The following SYNPR variants were observed in gnomAD, a reference collection of about 807,000 sequenced individuals.
SYNPR encodes synaptoporin.
SYNPR carries 23 observed loss-of-function variants against 32.9 expected under a neutral mutation model. The ratio of observed to expected loss-of-function variants is 0.70; its 90% CI spans 0.50 to 0.99. The LOEUF (loss-of-function observed/expected upper bound fraction) is 0.99, where lower values mean the gene tolerates loss of function less well. Ranked by LOEUF, SYNPR falls within the 50% of genes least tolerant of loss-of-function variation. The pLI is 0.00. For synonymous variants in SYNPR, 146 were observed against 135.9 expected (o/e 1.07, Z -0.52); for missense variants, 318 against 349.3 (o/e 0.91, Z 0.71).
chr3:63,281,198 T>G (rs887821325), intron 2 of SYNPR, among the ~76,000 whole-genome samples: 1 of 152,182 alleles, frequency 6.6e-6, no homozygotes, highest in Non-Finnish European at 1.5e-5. Flanking sequence ...CCTCACTGGT[T>G]CCTTTCATAG....
At chr3:63,248,112 A>G (rs1028755778) in intron 1 of SYNPR, among the ~76,000 whole-genome samples, 1 of 152,136 alleles carries the variant, frequency 6.6e-6, no homozygotes, top group East Asian at 1.9e-4. Flanking sequence ...TAGCAGTTCC[A>G]GAAAGGTCTG....
intron 2 of SYNPR, among the ~76,000 whole-genome samples, chr3:63,420,729 TCAAA>T (rs1410090257): frequency 6.6e-6 from 1 of 152,076 alleles, no homozygotes; most frequent in Non-Finnish European, 1.5e-5. Context: ...ACGAAGGATA[TCAAA>T]CAAAGACAAT....
chr3:63,516,725 A>T (rs1701807435), intron 3 of SYNPR, among the ~76,000 whole-genome samples: 1 of 152,102 alleles, frequency 6.6e-6, no homozygotes, highest in Non-Finnish European at 1.5e-5. Context: ...AACTCTTCAG[A>T]GCAGAGTTCC....
At chr3:63,360,058 C>A (rs2087636069) in intron 2 of SYNPR, among the ~76,000 whole-genome samples, 1 of 152,154 alleles carries the variant, frequency 6.6e-6, no homozygotes, top group Non-Finnish European at 1.5e-5. Flanking sequence ...TAGACTTATG[C>A]ATCAAACTTC....
intron 3 of SYNPR, among the ~76,000 whole-genome samples, chr3:63,503,394 G>T (rs554551833): frequency 6.6e-6 from 1 of 151,936 alleles, no homozygotes; most frequent in Non-Finnish European, 1.5e-5. Flanking sequence ...CAAGTCTATG[G>T]CTTGTCTTCT....
the SYNPR span, among the ~76,000 whole-genome samples, chr3:63,210,714 T>C: frequency 6.6e-6 from 1 of 152,322 alleles, no homozygotes; most frequent in African/African-American, 2.4e-5. Flanking sequence ...ATGCCATCCA[T>C]ATTTATCTTC....
intron 2 of SYNPR, among the ~76,000 whole-genome samples, chr3:63,349,787 C>T (rs2087481901): frequency 6.6e-6 from 1 of 152,122 alleles, no homozygotes; most frequent in Non-Finnish European, 1.5e-5. Context: ...CAGTAGGTGG[C>T]GAAAGCGTAG....
intron 3 of SYNPR, among the ~76,000 whole-genome samples, chr3:63,534,746 A>T (rs893238538): frequency 2.0e-5 from 3 of 152,122 alleles, no homozygotes; most frequent in Admixed American, 6.6e-5. Context: ...GCAGAAGGGG[A>T]CCACTGTGTA....
At chr3:63,221,965 C>A in the SYNPR span, among the ~76,000 whole-genome samples, 1 of 143,114 alleles carries the variant, frequency 7.0e-6, no homozygotes, top group East Asian at 2.0e-4. Flanking sequence ...ATCAAAGCAG[C>A]AGTAGAAGAT....
chr3:63,331,746 A>G (rs897443240), intron 2 of SYNPR, among the ~76,000 whole-genome samples: 2 of 152,198 alleles, frequency 1.3e-5, no homozygotes, highest in Non-Finnish European at 2.9e-5. Context: ...TTTCTTTATG[A>G]GGAAATTGAA....
intron 2 of SYNPR, among the ~76,000 whole-genome samples, chr3:63,315,885 T>A (rs568860459): frequency 6.6e-6 from 1 of 152,230 alleles, no homozygotes; most frequent in Admixed American, 6.5e-5. Flanking sequence ...TTGTCATCAA[T>A]GGCTTTTATT....
intron 3 of SYNPR, among the ~76,000 whole-genome samples, chr3:63,273,258 G>T (rs558623245): frequency 6.6e-6 from 1 of 152,178 alleles, no homozygotes; most frequent in East Asian, 1.9e-4. Flanking sequence ...CTTTTTCTTG[G>T]AAAGTTACGG....
intron 4 of SYNPR, among the ~76,000 whole-genome samples, chr3:63,587,309 G>A (rs73120748): frequency 0.23 from 35,123 of 151,882 alleles, 4,613 homozygotes; most frequent in South Asian, 0.43. Flanking sequence ...TCCTCACAAC[G>A]ACCCTGTAAG....
upstream of SYNPR, among the ~76,000 whole-genome samples, chr3:63,227,992 A>G (rs2086141680): frequency 6.6e-6 from 1 of 152,188 alleles, no homozygotes; most frequent in African/African-American, 2.4e-5. Context: ...CATCCACAGG[A>G]AGAAGTTTGG....
chr3:63,374,591 G>A (rs1230717985), intron 2 of SYNPR, among the ~76,000 whole-genome samples: 1 of 151,978 alleles, frequency 6.6e-6, no homozygotes, highest in African/African-American at 2.4e-5. Context: ...TAAAATAAAA[G>A]TTAAAAAAAG....
chr3:63,221,490 G>T, the SYNPR span, among the ~76,000 whole-genome samples: 2 of 152,218 alleles, frequency 1.3e-5, no homozygotes, highest in East Asian at 3.9e-4. Context: ...CAGCTCACTC[G>T]CATAGAGAAC....
At chr3:63,387,270 CTA>C (rs2088058782) in intron 2 of SYNPR, among the ~76,000 whole-genome samples, 1 of 152,154 alleles carries the variant, frequency 6.6e-6, no homozygotes, top group Non-Finnish European at 1.5e-5. Flanking sequence ...TTCAATCACT[CTA>C]TTTAAATAAA....
chr3:63,367,666 T>C (rs2087744100), intron 2 of SYNPR, among the ~76,000 whole-genome samples: 1 of 152,158 alleles, frequency 6.6e-6, no homozygotes, highest in African/African-American at 2.4e-5. Context: ...GGCCTTGAAT[T>C]ATAATTTAAA....
intron 2 of SYNPR, among the ~76,000 whole-genome samples, chr3:63,407,024 T>A (rs1199076286): frequency 1.3e-5 from 2 of 152,206 alleles, no homozygotes; most frequent in African/African-American, 4.8e-5. Flanking sequence ...CTTGTCCTAG[T>A]CCCAGGACCT....
Sources: allele counts gnomAD v4.1 joint callset (sites outside exome capture counted in the v4.1 genomes callset), GRCh38; gene constraint gnomAD v4.1.1; transcripts MANE v1.5; gene names NCBI Gene and HGNC (gene_info 2026-07-23, HGNC 2026-07-21).